SREBF2: variants seen among roughly 807,000 people sequenced by gnomAD.
The protein encoded by SREBF2 is sterol regulatory element binding transcription factor 2, also known as sterol regulatory element-binding protein 2.
A neutral mutation model predicts 113.1 loss-of-function variants in SREBF2; 55 were observed. The observed-to-expected ratio is 0.49, with a 90% CI of 0.39 to 0.61. SREBF2 has a LOEUF of 0.61. SREBF2 is among the 20% of genes least tolerant of loss of function. The pLI is 0.00. For synonymous variants in SREBF2, 593 were observed against 605.7 expected, an observed-to-expected ratio of 0.98 and a Z score of 0.31; for missense variants, 1,349 against 1,487.4, an observed-to-expected ratio of 0.91 and a Z score of 1.53.
chr22:41,892,512 G>T (rs1289068905), intron 11 of SREBF2, among the ~76,000 whole-genome samples: 1 of 151,854 alleles, frequency 6.6e-6, no homozygotes, highest in Non-Finnish European at 1.5e-5. Context: ...GCCGGGCATG[G>T]TGGCGCGCGC....
At position 41,894,846 on chromosome 22, in the gene SREBF2, G is replaced by T; in HGVS notation, c.2404G>T (p.Ala802Ser). The T allele has an allele frequency of 6.2e-7, 1 of 1,614,168 alleles. No homozygotes were observed. The highest frequency in any genetic ancestry group is 8.5e-7 in the Non-Finnish European group (1 of 1,180,026). ...TGACCCCATTGCGCAGGTCCACCAG[G>T]CCTTCTGCAAGAACCTGCTGGAGCG... ...PADPIAQVHQ[A>S]FCKNLLERAI... Residue 802 changes from alanine to serine, a missense_variant, in exon 13 of 19, where the codon GCC becomes TCC. By Grantham distance (99) the Ala-to-Ser change is moderately conservative (BLOSUM62 1). Around this residue, in one of 2 missense-constraint regions of SREBF2, gnomAD observed 650 missense variants for 644.1 expected, o/e 1.01. Transcript: ENST00000361204.
intron 1 of SREBF2, among the ~76,000 whole-genome samples, chr22:41,850,347 G>A (rs1254542011): frequency 1.3e-5 from 2 of 151,442 alleles, no homozygotes; most frequent in Non-Finnish European, 2.9e-5. Flanking sequence ...TACTCAGGAG[G>A]GTGAGGCAGG....
In SREBF2 at chr22:41,893,168, G is replaced by A; in HGVS notation, c.2260G>A (p.Val754Ile). The A allele has an allele frequency of 6.2e-7, 1 of 1,614,130 alleles. No individual in the cohort carries two copies. The highest frequency in any genetic ancestry group is 8.5e-7 in the Non-Finnish European group (1 of 1,180,032). ...QSLCGPEHSA[V>I]PDSLRWLCHP... ...CCTGTGTGGCCCCGAGCACAGTGCTGTTCCTGACTCCCTGCGCTGGCTCTG... is the reference window on the plus strand; with the variant it reads ...CCTGTGTGGCCCCGAGCACAGTGCTATTCCTGACTCCCTGCGCTGGCTCTG... The change falls in exon 12 of 19, where the codon GTT becomes ATT. Residue 754 changes from valine (V) to isoleucine (I), a missense_variant. Physicochemically the swap from Val to Ile is conservative, Grantham distance 29. Transcript: ENST00000361204.
intron 2 of SREBF2, among the ~76,000 whole-genome samples, chr22:41,867,803 A>G (rs1396529723): frequency 6.7e-6 from 1 of 148,804 alleles, no homozygotes; most frequent in Non-Finnish European, 1.5e-5. Flanking sequence ...CGAGACTCCC[A>G]TCTTAAAAAG....
rs1267171574 is a variant in SREBF2 at position 41,871,912 on chromosome 22, A to G, written c.867+877A>G. Among the ~76,000 whole-genome samples, 3 of 150,802 alleles carry G rather than the reference A, an allele frequency of 2.0e-5. No individual in the cohort carries two copies. The East Asian group carries it at 5.9e-4, about 30-fold the overall frequency. On this transcript the variant is annotated intron_variant, in intron 4 of 18. Transcript: ENST00000361204. ...AGACTGACTCTCAAAAAAAAAAAAA[A>G]AAGCTACTGATGCATGAAACAACAT...
chr22:41,868,803 G>T lies in SREBF2; in HGVS notation c.720+11G>T. The T allele has an allele frequency of 6.2e-7, 1 of 1,600,904 alleles. No individual in the cohort carries two copies. The highest frequency in any genetic ancestry group is 8.5e-7 in the Non-Finnish European group (1 of 1,173,936). ...GTGCAGCAGGTCCCGGTAAGTGGCTGGAAAGGATTCAGGGAGGCACTGGTT... is the reference window on the plus strand; with the variant it reads ...GTGCAGCAGGTCCCGGTAAGTGGCTTGAAAGGATTCAGGGAGGCACTGGTT... On this transcript the variant is annotated intron_variant, in intron 3 of 18. Transcript: ENST00000361204.
intron 16 of SREBF2, chr22:41,901,090 T>A: frequency 2.4e-6 from 1 of 423,292 alleles, no homozygotes; most frequent in South Asian, 1.7e-5. Flanking sequence ...TAGAGGGCAC[T>A]GCTGCCACTG....
intron 1 of SREBF2, among the ~76,000 whole-genome samples, chr22:41,857,062 G>T (rs1212301937): frequency 2.5e-5 from 3 of 120,938 alleles, no homozygotes; most frequent in Non-Finnish European, 5.2e-5. Flanking sequence ...GCAAGACTCT[G>T]TCTCAAAAAA....
chr22:41,875,451 A>T lies in SREBF2; in HGVS notation c.1204A>T (p.Lys402Ter), dbSNP rs1456865665. ...GCTGAAGCTGGCAAATCAAAAGAAC[A>T]GTAAGTGTGCTGAGAAAAGGCTTGT... Reference protein sequence around the residue: ...MVLKLANQKNKLLKGIDLGSL... With the variant: ...MVLKLANQKN Residue 402 changes from lysine (K) to a stop codon, truncating the protein, a stop_gained and splice_region_variant, in exon 6 of 19, where the codon AAG becomes TAG. Transcript: ENST00000361204. LOFTEE classifies it high-confidence loss of function. The T allele has an allele frequency of 6.2e-7, 1 of 1,614,254 alleles. No homozygotes were observed.
intron 10 of SREBF2, among the ~76,000 whole-genome samples, chr22:41,883,852 C>A (rs1051859318): frequency 1.3e-5 from 2 of 152,202 alleles, no homozygotes; most frequent in Non-Finnish European, 2.9e-5. Context: ...ACTTCCTCCC[C>A]TGAGGCAAGG....
chr22:41,861,604 T>A (rs2148368406), intron 1 of SREBF2, among the ~76,000 whole-genome samples: 1 of 152,070 alleles, frequency 6.6e-6, no homozygotes. Flanking sequence ...TTAGTGAATA[T>A]ATTACTTTTA....
intron 1 of SREBF2, among the ~76,000 whole-genome samples, chr22:41,864,253 T>C (rs1283119007): frequency 5.6e-4 from 46 of 81,928 alleles, no homozygotes; most frequent in African/African-American, 1.7e-3. Context: ...TATATATATA[T>C]ATATATATAC....
At chr22:41,890,084 A>C (rs2148407484) in intron 11 of SREBF2, among the ~76,000 whole-genome samples, 2 of 152,164 alleles carry the variant, frequency 1.3e-5, no homozygotes, top group Non-Finnish European at 2.9e-5. Flanking sequence ...TTATTTATTT[A>C]TTTATTTTTT....
At chr22:41,874,888 CAA>C (rs2077180264) in intron 5 of SREBF2, among the ~76,000 whole-genome samples, 1 of 150,892 alleles carries the variant, frequency 6.6e-6, no homozygotes. Context: ...TCCTGGGCAA[CAA>C]GAGTGAAACT....
Position 41,867,281 on chromosome 22 carries a change from G to A in SREBF2, c.538+1G>A. ...CAGAATGCAGCTACTAGCTTTCAAG[G>A]TGATTCAGAAGTTAGAATGGTAGTG... On this transcript the variant is annotated splice_donor_variant, in intron 2 of 18. Coordinates refer to ENST00000361204, the MANE Select transcript of SREBF2 (RefSeq NM_004599.4). LOFTEE classifies it high-confidence loss of function. 6.2e-7 allele frequency: 1 copy of A among 1,614,138 alleles called. No homozygotes were observed. Among genetic ancestry groups the A allele is most frequent in the Non-Finnish European group, 8.5e-7 (1 of 1,180,028 alleles).
In SREBF2 at chr22:41,905,687, CTCTCTCTCGATT is replaced by C. The variant is rs2077502454; in HGVS notation, c.*36_*47del. 11 of 1,548,040 alleles carry C rather than the reference CTCTCTCTCGATT, an allele frequency of 7.1e-6. No individual in the cohort carries two copies. In the East Asian group the frequency reaches 2.4e-4, roughly 34 times the overall value. ...CACCAGGCTCAGCCCACCCCTCCAC[CTCTCTCTCGATT>C]TCTCTCTCTCCCCCTCAGCATCTTC... On this transcript the variant is annotated 3_prime_UTR_variant, in exon 19 of 19. Transcript: ENST00000361204.
At chr22:41,854,785 C>G (rs1470774189) in intron 1 of SREBF2, among the ~76,000 whole-genome samples, 2 of 151,880 alleles carry the variant, frequency 1.3e-5, no homozygotes, top group African/African-American at 4.8e-5. Flanking sequence ...TTGAGAATTG[C>G]TTGAACGTGG....
intron 11 of SREBF2, among the ~76,000 whole-genome samples, chr22:41,892,279 C>T (rs1217567642): frequency 1.3e-5 from 2 of 152,140 alleles, no homozygotes; most frequent in Admixed American, 6.5e-5. Flanking sequence ...AAACTTTACA[C>T]GCAAAGTAAA....
chr22:41,842,796 T>C (rs2076841818), intron 1 of SREBF2, among the ~76,000 whole-genome samples: 1 of 152,186 alleles, frequency 6.6e-6, no homozygotes, highest in South Asian at 2.1e-4. Context: ...AAGACCATCC[T>C]GGCTAACATG....
Sources: gnomAD v4.1 joint callset for allele counts (sites outside exome capture counted in the v4.1 genomes callset) on GRCh38, gnomAD v4.1.1 for gene constraint, gnomAD v4.1.1 regional missense constraint, MANE v1.5 for transcripts, NCBI Gene and HGNC (gene_info 2026-07-23, HGNC 2026-07-21) for gene names.